The following PRC1 variants were observed in gnomAD, a reference collection of about 807,000 sequenced individuals.
PRC1 encodes protein regulator of cytokinesis 1, also known as anaphase spindle elongation 1 homolog.
Under a neutral mutation model 91.2 loss-of-function variants are expected in PRC1, and 54 were observed. The observed-to-expected ratio is 0.59, with a 90% CI of 0.48 to 0.74. PRC1 has a LOEUF of 0.74. Among genes scored for constraint, PRC1 ranks in the 30% least tolerant of loss-of-function variants. The pLI is 0.00. For synonymous variants in PRC1, 275 were observed against 263.6 expected (o/e 1.04, Z -0.42); for missense variants, 727 against 746.2 (o/e 0.97, Z 0.30).
chr15:90,978,520 G>A (rs985808190), intron 8 of PRC1, among the ~76,000 whole-genome samples: 62 of 152,256 alleles, frequency 4.1e-4, no homozygotes, highest in African/African-American at 1.4e-3. Flanking sequence ...GGGAGGCCGA[G>A]GTGGGCAGAT....
chr15:90,989,335 C>A (rs7179428), intron 1 of PRC1, among the ~76,000 whole-genome samples: 46,908 of 151,318 alleles, frequency 0.31, 9,274 homozygotes, highest in African/African-American at 0.54. Flanking sequence ...GCAGCCTCAA[C>A]GCCCTGGGCT....
In PRC1 at chr15:90,984,665, A is replaced by G; in HGVS notation, c.144+28T>C. 1.9e-6 allele frequency: 3 copies of G among 1,613,178 alleles called. No homozygotes were observed. The highest frequency in any genetic ancestry group is 2.5e-6 in the Non-Finnish European group (3 of 1,179,422). On this transcript the variant is annotated intron_variant, in intron 2 of 14. Transcript: ENST00000394249. This position sits in a 1 kb window ranked among gnomAD's most constrained non-coding sequence, Gnocchi z 5.1. Reference sequence around the variant, plus strand: ...ACACCAACATCCTTACCCTGGTCCAATGCAGAGACCAGTACTATTCAACCC... The same window carrying G: ...ACACCAACATCCTTACCCTGGTCCAGTGCAGAGACCAGTACTATTCAACCC...
At chr15:90,992,407 T>C (rs996621008) in intron 1 of PRC1, among the ~76,000 whole-genome samples, 2 of 152,198 alleles carry the variant, frequency 1.3e-5, no homozygotes, top group Non-Finnish European at 2.9e-5. Context: ...TTTTCTTTTC[T>C]TTTTTAGTAT....
Position 90,976,711 on chromosome 15 carries a change from T to C in PRC1, c.1168A>G (p.Lys390Glu). Residue 390 changes from lysine to glutamate, a missense_variant, in exon 9 of 15, where the codon AAA becomes GAA. By Grantham distance (56) the Lys-to-Glu change is moderately conservative (BLOSUM62 1). Coordinates refer to ENST00000394249, the MANE Select transcript of PRC1 (RefSeq NM_003981.4). ...NRGGNLLKEE[K>E]QRAKLQKMLP... ...ATTTTCTGGAGCTTGGCTCGTTGTT[T>C]TTCTTCTTTTAGAAGATTTCCTCCT... 1 of 1,613,896 alleles carries C rather than the reference T, an allele frequency of 6.2e-7. No individual in the cohort carries two copies. The highest frequency in any genetic ancestry group is 8.5e-7 in the Non-Finnish European group (1 of 1,179,776).
chr15:90,966,114 TGTATGA>T lies in PRC1; in HGVS notation c.*1011_*1016del. 6.5e-6 allele frequency: 1 copy of T among 154,364 alleles called. No individual in the cohort carries two copies. The highest frequency in any genetic ancestry group is 1.4e-5 in the Non-Finnish European group (1 of 69,326). The allele number at this position is 154,364 out of a possible 1,614,324, so 9.6% of individuals were successfully genotyped here. ...TATATTTTAAAAACAGGACACGTAC[TGTATGA>T]GTAAACAGCGTGGCTAACACCAAGT... is the stretch of plus-strand genomic sequence containing the variant. On this transcript the variant is annotated 3_prime_UTR_variant, in exon 15 of 15. Transcript: ENST00000394249.
At position 90,984,278 on chromosome 15, in the gene PRC1, G is replaced by C; in HGVS notation, c.145-138C>G. Reference sequence around the variant, plus strand: ...GAGTCTCGCTCTGTTGCCCAGGCTGGAGTGCAATGGCGTGCTTTCGGCTCA... The same window carrying C: ...GAGTCTCGCTCTGTTGCCCAGGCTGCAGTGCAATGGCGTGCTTTCGGCTCA... On this transcript the variant is annotated intron_variant, in intron 2 of 14. Transcript: ENST00000394249. This position sits in a 1 kb window ranked among gnomAD's most constrained non-coding sequence, Gnocchi z 5.1. 4 of 1,204,846 alleles carry C rather than the reference G, an allele frequency of 3.3e-6. No homozygotes were observed. The highest frequency in any genetic ancestry group is 4.6e-6 in the Non-Finnish European group (4 of 867,718). The allele number at this position is 1,204,846 out of a possible 1,614,324, so 74.6% of individuals were successfully genotyped here. A position where few individuals can be genotyped will look rare whatever the true frequency, so the allele number is the denominator to read the frequency against.
intron 5 of PRC1, chr15:90,981,246 T>G (rs2039171897): frequency 1.4e-6 from 1 of 726,826 alleles, no homozygotes; most frequent in African/African-American, 1.8e-5. Flanking sequence ...TGAAAAAAAT[T>G]TTAATTAAAC....
At chr15:90,967,934 T>C (rs1158594194) in intron 14 of PRC1, 2 of 985,310 alleles carry the variant, frequency 2.0e-6, no homozygotes, top group African/African-American at 3.5e-5. Context: ...AACATATATC[T>C]ACCAATCCCT....
At chr15:90,977,143 C>A (rs4544218) in intron 8 of PRC1, 77,489 of 145,628 alleles carry the variant, frequency 0.53, 25,278 homozygotes, top group East Asian at 0.99. Flanking sequence ...AAAAAAAAGT[C>A]AATTGTTAAA....
chr15:90,966,939 T>C lies in PRC1; in HGVS notation c.*192A>G. Reference sequence around the variant, plus strand: ...CATGTATATAAGTCAAAACCAAGTCTCCTAGGACCACTAAACCTATGATGG... The same window carrying C: ...CATGTATATAAGTCAAAACCAAGTCCCCTAGGACCACTAAACCTATGATGG... On this transcript the variant is annotated 3_prime_UTR_variant, in exon 15 of 15. Transcript: ENST00000394249. 1.6e-6 allele frequency: 1 copy of C among 606,920 alleles called. No homozygotes were observed. Among genetic ancestry groups the C allele is most frequent in the South Asian group, 2.0e-5 (1 of 49,670 alleles). The allele number at this position is 606,920 out of a possible 1,614,324, so 37.6% of individuals were successfully genotyped here.
At chr15:90,970,213 A>C (rs1418394563) in intron 12 of PRC1, among the ~76,000 whole-genome samples, 191 bp downstream of exon 12, 1 of 152,122 alleles carries the variant, frequency 6.6e-6, no homozygotes, top group Non-Finnish European at 1.5e-5. Context: ...GCTCAGAGTG[A>C]CTGTTCTCTT....
At chr15:90,993,670 C>A (rs552166577) in intron 1 of PRC1, among the ~76,000 whole-genome samples, 6 of 152,320 alleles carry the variant, frequency 3.9e-5, no homozygotes, top group African/African-American at 1.2e-4. Context: ...TCCCCAACAC[C>A]GCCTAGGAAG....
At chr15:90,968,840 A>C (rs766888388) in intron 14 of PRC1, 49 of 1,337,046 alleles carry the variant, frequency 3.7e-5, no homozygotes, top group Non-Finnish European at 4.7e-5. Flanking sequence ...GTTAAACGTG[A>C]TTTAAAACTG....
rs376006769 is a variant in PRC1 at position 90,974,678 on chromosome 15, C to T, written c.1257G>A (p.Lys419=). The part of the protein sequence containing the change: ...RIELWEQEHS[K]AFMVNGQKFM... ...ATTTCTGCCCATTCACCATAAATGCCTTTGAATGTTCCTGTTCCCACAATT... is the reference window on the plus strand; with the variant it reads ...ATTTCTGCCCATTCACCATAAATGCTTTTGAATGTTCCTGTTCCCACAATT... The change falls in exon 10 of 15, where the codon AAG becomes AAA. Residue 419 remains lysine (K), a synonymous_variant. Transcript: ENST00000394249. The surrounding 1 kb of genome is among the most constrained non-coding windows in gnomAD (Gnocchi z 4.6). 23 of 1,614,106 alleles carry T rather than the reference C, an allele frequency of 1.4e-5. No individual in the cohort carries two copies. The highest frequency in any genetic ancestry group is 1.9e-5 in the Non-Finnish European group (23 of 1,180,048).
chr15:90,966,215 A>T lies in PRC1; in HGVS notation c.*916T>A, dbSNP rs2037475087. 1 of 197,562 alleles carries T rather than the reference A, an allele frequency of 5.1e-6. No individual in the cohort carries two copies. The highest frequency in any genetic ancestry group is 2.3e-5 in the African/African-American group (1 of 42,956). The allele number at this position is 197,562 out of a possible 1,614,324, so 12.2% of individuals were successfully genotyped here. On this transcript the variant is annotated 3_prime_UTR_variant, in exon 15 of 15. Coordinates refer to ENST00000394249, the MANE Select transcript of PRC1 (RefSeq NM_003981.4). ...TAGTACTGCTGCAGGCAGACAGCGGAAGAATAAATAATAGTGCTTCAAGAA... is the reference window on the plus strand; with the variant it reads ...TAGTACTGCTGCAGGCAGACAGCGGTAGAATAAATAATAGTGCTTCAAGAA...
At chr15:90,977,692 T>A (rs1488713558) in intron 8 of PRC1, among the ~76,000 whole-genome samples, 1 of 148,784 alleles carries the variant, frequency 6.7e-6, no homozygotes, top group Non-Finnish European at 1.5e-5. Context: ...CACGCCATTC[T>A]CCTGCCTCAG....
chr15:90,972,819 T>C (rs2038281786), intron 11 of PRC1: 1 of 152,214 alleles, frequency 6.6e-6, no homozygotes, highest in Admixed American at 6.5e-5. Context: ...GTGAACGTTG[T>C]TTTTCACATG....
intron 1 of PRC1, chr15:90,988,212 T>C (rs1446288319): frequency 6.6e-6 from 1 of 152,188 alleles, no homozygotes; most frequent in African/African-American, 2.4e-5. Flanking sequence ...GTTAAAATCC[T>C]AATATTACCA....
chr15:90,969,176 C>CA, intron 13 of PRC1, 56 bp from the exon 14 acceptor site: 1 of 1,553,906 alleles, frequency 6.4e-7, no homozygotes, highest in Non-Finnish European at 8.9e-7. Context: ...AGCACCAGGA[C>CA]AGTGATAGAG....
Sources: gnomAD v4.1 joint callset for allele counts (sites outside exome capture counted in the v4.1 genomes callset) on GRCh38, gnomAD v4.1.1 for gene constraint, Gnocchi (gnomAD v3.1) non-coding constraint, MANE v1.5 for transcripts, NCBI Gene and HGNC (gene_info 2026-07-23, HGNC 2026-07-21) for gene names.